The following KIF1B variants were observed in gnomAD, a reference collection of about 807,000 sequenced individuals.
The protein encoded by KIF1B is kinesin-like protein KIF1B.
Under a neutral mutation model 241.9 loss-of-function variants are expected in KIF1B, and 76 were observed. The ratio of observed to expected loss-of-function variants is 0.31; its 90% CI spans 0.26 to 0.38. The LOEUF (loss-of-function observed/expected upper bound fraction) is 0.38, where lower values mean the gene tolerates loss of function less well. KIF1B is among the 10% of genes least tolerant of loss of function. The probability of loss-of-function intolerance (pLI) is 1.00; values close to 1 mark genes in which losing one functional copy is unlikely to be tolerated. For synonymous variants in KIF1B, 750 were observed against 796.7 expected, an observed-to-expected ratio of 0.94 and a Z score of 0.99; for missense variants, 1,622 against 2,271.4, an observed-to-expected ratio of 0.71 and a Z score of 5.81.
intron 22 of KIF1B, among the ~76,000 whole-genome samples, chr1:10,310,931 C>T (rs1364178711): frequency 6.6e-6 from 1 of 151,478 alleles, no homozygotes; most frequent in Non-Finnish European, 1.5e-5. Flanking sequence ...AAAAAGCAAT[C>T]AGAAGAAACT....
chr1:10,235,801 G>A (rs542087288), intron 2 of KIF1B, among the ~76,000 whole-genome samples: 4 of 146,324 alleles, frequency 2.7e-5, no homozygotes, highest in South Asian at 4.3e-4. Context: ...GGTGGAGGTT[G>A]CAGTGAGCCA....
intron 1 of KIF1B, among the ~76,000 whole-genome samples, chr1:10,224,725 C>T (rs1409450764): frequency 2.7e-5 from 4 of 148,184 alleles, no homozygotes; most frequent in Non-Finnish European, 6.0e-5. Context: ...TGCCTGGCCC[C>T]AATTTATGTT....
intron 10 of KIF1B, chr1:10,274,960 G>C: frequency 2.7e-6 from 1 of 377,062 alleles, no homozygotes; most frequent in South Asian, 2.0e-5. Context: ...TTAGGTAATA[G>C]TATTGTGTTG....
intron 44 of KIF1B, among the ~76,000 whole-genome samples, chr1:10,368,780 AT>A (rs1162137734): frequency 6.6e-6 from 1 of 152,116 alleles, no homozygotes; most frequent in East Asian, 1.9e-4. Context: ...GATGGGAAAC[AT>A]TTTGGCTTTT....
chr1:10,368,959 G>T (rs1638648619), intron 44 of KIF1B, among the ~76,000 whole-genome samples: 1 of 152,152 alleles, frequency 6.6e-6, no homozygotes, highest in South Asian at 2.1e-4. Context: ...ATTCTAGTCA[G>T]CTTGACCTTA....
At chr1:10,234,422 C>T (rs1571111582) in intron 2 of KIF1B, among the ~76,000 whole-genome samples, 1 of 151,934 alleles carries the variant, frequency 6.6e-6, no homozygotes, top group East Asian at 1.9e-4. Flanking sequence ...TGGCCAGCCT[C>T]ATCGCAAACT....
intron 2 of KIF1B, among the ~76,000 whole-genome samples, chr1:10,242,867 G>A (rs116189545): frequency 0.019 from 2,840 of 152,250 alleles, 41 homozygotes; most frequent in Non-Finnish European, 0.028. Flanking sequence ...CATGTATGCA[G>A]CCCGCTGATG....
chr1:10,222,595 G>A (rs1204169768), intron 1 of KIF1B, among the ~76,000 whole-genome samples: 1 of 152,204 alleles, frequency 6.6e-6, no homozygotes, highest in Non-Finnish European at 1.5e-5. Flanking sequence ...ATCAATTTGA[G>A]TCTTCTCCTT....
At position 10,213,531 on chromosome 1, in the gene KIF1B, A is replaced by G. The variant is rs529225666; in HGVS notation, c.-80+2653A>G. On this transcript the variant is annotated intron_variant, in intron 1 of 48. Coordinates refer to ENST00000676179, the MANE Select transcript of KIF1B (RefSeq NM_001365951.3). ...TGTCCTGGGTACAAAGTAAAGGACA[A>G]TGGGCCCCCTGCCTTCCTGTTTGTA... 2.9e-3 allele frequency among the ~76,000 whole-genome samples: 443 copies of G among 152,280 alleles called. 1 individual carries two copies. Among genetic ancestry groups the G allele is most frequent in the Non-Finnish European group, 4.2e-3 (285 of 68,028 alleles).
Position 10,321,876 on chromosome 1 carries a change from C to T in KIF1B, c.2358+19C>T. The stretch of plus-strand genomic sequence containing the variant: ...AAAGAAGGTATGGAGCAGGAGGACA[C>T]AGGAGAGCTGGAGGCAAAGCCGAGC... On this transcript the variant is annotated intron_variant, in intron 24 of 48. Transcript: ENST00000676179. The T allele has an allele frequency of 6.2e-7, 1 of 1,613,892 alleles. No homozygotes were observed. Among genetic ancestry groups the T allele is most frequent in the East Asian group, 2.2e-5 (1 of 44,860 alleles).
chr1:10,275,110 T>C (rs760111230), intron 10 of KIF1B, among the ~76,000 whole-genome samples: 17 of 152,152 alleles, frequency 1.1e-4, no homozygotes, highest in Non-Finnish European at 2.4e-4. Context: ...GAAAAGTGTT[T>C]GGGGGATAAT....
intron 7 of KIF1B, among the ~76,000 whole-genome samples, chr1:10,269,031 A>G (rs890940478): frequency 1.3e-5 from 2 of 152,190 alleles, no homozygotes; most frequent in African/African-American, 4.8e-5. Context: ...TTTATGTTGA[A>G]TACTACTCTA....
At position 10,374,462 on chromosome 1, in the gene KIF1B, C is replaced by G; in HGVS notation, c.5093C>G (p.Pro1698Arg). ...NLVPDIEEIRPSSVVSKKGYL... is the reference protein window; with the variant it reads ...NLVPDIEEIRRSSVVSKKGYL... Reference sequence around the variant, plus strand: ...GTTCCAGATATTGAAGAAATTAGACCAAGGTGAGTACTATATTGAGCAGGA... The same window carrying G: ...GTTCCAGATATTGAAGAAATTAGACGAAGGTGAGTACTATATTGAGCAGGA... The change falls in exon 46 of 49, where the codon CCA becomes CGA. Residue 1698 changes from proline to arginine, a missense_variant. Physicochemically the swap from Pro to Arg is moderately radical, Grantham distance 103. Coordinates refer to ENST00000676179, the MANE Select transcript of KIF1B (RefSeq NM_001365951.3). This position sits in a 1 kb window ranked among gnomAD's most constrained non-coding sequence, Gnocchi z 4.3. The G allele has an allele frequency of 1.2e-6, 2 of 1,614,072 alleles. No individual in the cohort carries two copies. The highest frequency in any genetic ancestry group is 3.3e-5 in the Admixed American group (2 of 60,014).
chr1:10,244,604 G>A (rs1336062521), intron 2 of KIF1B, among the ~76,000 whole-genome samples: 2 of 141,710 alleles, frequency 1.4e-5, no homozygotes, highest in Non-Finnish European at 3.0e-5. Flanking sequence ...GAGCCACCGC[G>A]CCCGGCCCTC....
At chr1:10,293,174 T>C (rs1035730263) in intron 17 of KIF1B, among the ~76,000 whole-genome samples, 4 of 151,766 alleles carry the variant, frequency 2.6e-5, no homozygotes, top group Admixed American at 2.0e-4. Flanking sequence ...TATTGTAGAA[T>C]AGAACAGTTA....
chr1:10,220,718 A>G (rs1557644659), intron 1 of KIF1B, among the ~76,000 whole-genome samples: 1 of 152,022 alleles, frequency 6.6e-6, no homozygotes, highest in African/African-American at 2.4e-5. Context: ...GCTGTAGCGC[A>G]ATGGTATCAT....
chr1:10,358,870 G>A (rs1163536661), intron 38 of KIF1B, among the ~76,000 whole-genome samples: 2 of 152,174 alleles, frequency 1.3e-5, no homozygotes, highest in Non-Finnish European at 2.9e-5. Flanking sequence ...AAGAACTATA[G>A]AAAGGCCTTC....
chr1:10,266,052 C>T (rs1040890883), intron 5 of KIF1B, among the ~76,000 whole-genome samples: 4 of 152,086 alleles, frequency 2.6e-5, no homozygotes, highest in Admixed American at 2.0e-4. Context: ...TGGGTAGCAT[C>T]GTAATGTGGC....
chr1:10,241,064 T>C (rs1647130135), intron 2 of KIF1B, among the ~76,000 whole-genome samples: 1 of 152,184 alleles, frequency 6.6e-6, no homozygotes, highest in South Asian at 2.1e-4. Context: ...AAATCATGTA[T>C]ACTATATAGC....
Sources: allele counts gnomAD v4.1 joint callset (sites outside exome capture counted in the v4.1 genomes callset), GRCh38; gene constraint gnomAD v4.1.1; non-coding constraint Gnocchi (gnomAD v3.1); transcripts MANE v1.5; gene names NCBI Gene and HGNC (gene_info 2026-07-23, HGNC 2026-07-21).